Variants in ZNF37A observed in about 807,000 individuals in gnomAD.
ZNF37A encodes the protein zinc finger protein 37A.
A neutral mutation model predicts 12.3 loss-of-function variants in ZNF37A; 10 were observed. The observed-to-expected ratio is 0.82, with a 90% CI of 0.50 to 1.38. The LOEUF is 1.38. ZNF37A is among the 40% of genes most tolerant of loss of function. The pLI is 0.00. For synonymous variants in ZNF37A, 207 were observed against 223.0 expected (o/e 0.93, Z 0.64); for missense variants, 580 against 651.2 (o/e 0.89, Z 1.19).
chr10:38,131,798 T>A (rs1342077113), intron 7 of ZNF37A, among the ~76,000 whole-genome samples: 1 of 152,220 alleles, frequency 6.6e-6, no homozygotes, highest in Non-Finnish European at 1.5e-5. Context: ...CGTTTCTTCT[T>A]TAATTTCTTT....
At chr10:38,104,922 C>A (rs752272351) in intron 5 of ZNF37A, among the ~76,000 whole-genome samples, 1 of 152,004 alleles carries the variant, frequency 6.6e-6, no homozygotes. Flanking sequence ...TTTGTAACTT[C>A]TTTCTTCAAC....
chr10:38,143,672 TTG>T (rs1022818404), intron 7 of ZNF37A: 26 of 152,348 alleles, frequency 1.7e-4, no homozygotes, highest in African/African-American at 6.3e-4. Flanking sequence ...CATTGCTCTG[TTG>T]TCAAGAATGG....
intron 5 of ZNF37A, among the ~76,000 whole-genome samples, chr10:38,105,732 C>T (rs1432386000): frequency 6.6e-6 from 1 of 152,114 alleles, no homozygotes; most frequent in East Asian, 1.9e-4. Context: ...GACCATAGCA[C>T]TAAGTATTTT....
chr10:38,100,330 G>A (rs1419400642), intron 5 of ZNF37A, among the ~76,000 whole-genome samples: 5 of 152,096 alleles, frequency 3.3e-5, no homozygotes, highest in South Asian at 2.1e-4. Context: ...GAGAGCAACC[G>A]GTCTGACCAA....
chr10:38,124,638 TATCAG>T (rs1261853428), downstream of ZNF37A: 1 of 152,212 alleles, frequency 6.6e-6, no homozygotes, highest in Admixed American at 6.5e-5. Context: ...CCATTGTTAA[TATCAG>T]TTTCCTTTAA....
intron 7 of ZNF37A, chr10:38,139,563 T>C (rs2070154276): frequency 6.6e-6 from 1 of 152,226 alleles, no homozygotes; most frequent in Admixed American, 6.6e-5. Flanking sequence ...AGACGATGTT[T>C]CACCATGTTG....
At position 38,112,807 on chromosome 10, in the gene ZNF37A, T is replaced by C. The variant is rs542661699; in HGVS notation, c.16-1948T>C. On this transcript the variant is annotated intron_variant, in intron 5 of 7. Transcript: ENST00000685332. ...TTTCTTTTCTTTTCTTGTCTTGTCT[T>C]GTCTTCTTTTCTTTTCTTTCACAGA... Among the ~76,000 whole-genome samples the C allele has an allele frequency of 9.6e-3, 703 of 73,460 alleles. 103 individuals carry two copies. The highest frequency in any genetic ancestry group is 0.035 in the African/African-American group (653 of 18,820). The allele number at this position is 73,460 out of a possible 152,430, so 48.2% of individuals were successfully genotyped here.
chr10:38,096,876 T>G (rs558113778), intron 5 of ZNF37A, among the ~76,000 whole-genome samples: 1 of 152,320 alleles, frequency 6.6e-6, no homozygotes, highest in African/African-American at 2.4e-5. Flanking sequence ...TCAGATTTCA[T>G]TATATATAAA....
At position 38,118,899 on chromosome 10, in the gene ZNF37A, A is replaced by G. The variant is rs1398716484; in HGVS notation, c.*62A>G. On this transcript the variant is annotated 3_prime_UTR_variant, in exon 8 of 8. Coordinates refer to ENST00000685332, the MANE Select transcript of ZNF37A (RefSeq NM_001324250.3). ...AGAGAAATCTGTTAATATAATGATAATGAGAACACCTTTGCCCTGAAGTCA... is the reference window on the plus strand; with the variant it reads ...AGAGAAATCTGTTAATATAATGATAGTGAGAACACCTTTGCCCTGAAGTCA... 16 of 1,505,172 alleles carry G rather than the reference A, an allele frequency of 1.1e-5. No homozygotes were observed. The highest frequency in any genetic ancestry group is 1.2e-5 in the Non-Finnish European group (14 of 1,131,270). 93.2% of individuals were successfully genotyped at this position (1,505,172 alleles called of 1,614,324 possible).
intron 7 of ZNF37A, among the ~76,000 whole-genome samples, chr10:38,136,394 T>A (rs1196719103): frequency 6.6e-6 from 1 of 152,174 alleles, no homozygotes; most frequent in African/African-American, 2.4e-5. Flanking sequence ...CTTCAGGCGA[T>A]CCACCCACCT....
intron 5 of ZNF37A, among the ~76,000 whole-genome samples, chr10:38,099,565 G>A (rs1254255439): frequency 1.3e-5 from 2 of 152,164 alleles, no homozygotes; most frequent in East Asian, 1.9e-4. Context: ...TGTGAATAAT[G>A]TTACTGTGAA....
intron 7 of ZNF37A, chr10:38,140,745 C>A (rs187391511): frequency 7.2e-5 from 11 of 152,278 alleles, no homozygotes; most frequent in Admixed American, 7.2e-4. Flanking sequence ...TGATTCAGAT[C>A]TCTGGAGCAA....
At chr10:38,140,441 C>T (rs1303997297) in intron 7 of ZNF37A, 1 of 152,050 alleles carries the variant, frequency 6.6e-6, no homozygotes, top group Non-Finnish European at 1.5e-5. Context: ...CTCACTGTTA[C>T]AGAAGGAAGT....
chr10:38,096,014 G>T (rs555214276), intron 4 of ZNF37A, among the ~76,000 whole-genome samples: 13 of 152,102 alleles, frequency 8.5e-5, no homozygotes, highest in African/African-American at 3.1e-4. Flanking sequence ...GTGAAACCCC[G>T]TCTCTACTAA....
chr10:38,128,303 CTGGGGTT>C (rs2069958167), downstream of ZNF37A, among the ~76,000 whole-genome samples: 1 of 152,036 alleles, frequency 6.6e-6, no homozygotes, highest in South Asian at 2.1e-4. Context: ...ATGTCGGGCC[CTGGGGTT>C]ATGGTGTTAA....
intron 5 of ZNF37A, among the ~76,000 whole-genome samples, chr10:38,112,802 T>TGGTCTTG (rs148186182): frequency 4.3e-5 from 3 of 69,084 alleles, no homozygotes; most frequent in East Asian, 6.1e-4. Context: ...TTTCTTGTCT[T>TGGTCTTG]GTCTTGTCTT....
intron 5 of ZNF37A, among the ~76,000 whole-genome samples, chr10:38,103,983 C>T (rs375316070): frequency 6.6e-6 from 1 of 152,316 alleles, no homozygotes; most frequent in East Asian, 1.9e-4. Flanking sequence ...TGAAGGTCAA[C>T]CAGATGTGAA....
chr10:38,131,605 A>T (rs2070028221), intron 7 of ZNF37A, among the ~76,000 whole-genome samples: 1 of 152,094 alleles, frequency 6.6e-6, no homozygotes, highest in Admixed American at 6.6e-5. Context: ...AAGTAGGAGT[A>T]CCCCAAATTT....
Position 38,111,432 on chromosome 10 carries a change from G to A in ZNF37A, c.16-3323G>A, listed in dbSNP as rs566669115. ...ACCACCATGGCACATGTGTACCTAT[G>A]TAACAAACCTACATGTTCTGCACAT... On this transcript the variant is annotated intron_variant, in intron 5 of 7. Transcript: ENST00000685332. Among the ~76,000 whole-genome samples, 61 of 151,542 alleles carry A rather than the reference G, an allele frequency of 4.0e-4. 1 individual carries two copies. In the East Asian group the frequency reaches 0.01, roughly 25 times the overall value.
Sources: gnomAD v4.1 joint callset for allele counts (sites outside exome capture counted in the v4.1 genomes callset) on GRCh38, gnomAD v4.1.1 for gene constraint, MANE v1.5 for transcripts, NCBI Gene and HGNC (gene_info 2026-07-23, HGNC 2026-07-21) for gene names.